SUSD3: variants seen among roughly 807,000 people sequenced by gnomAD.
SUSD3 encodes the protein sushi domain containing 3.
SUSD3 carries 18 observed loss-of-function variants against 20.6 expected under a neutral mutation model. The ratio of observed to expected loss-of-function variants is 0.87; its 90% CI spans 0.60 to 1.30. The LOEUF (loss-of-function observed/expected upper bound fraction) is 1.30, where lower values mean the gene tolerates loss of function less well. Among genes scored for constraint, SUSD3 ranks in the 50% most tolerant of loss-of-function variants. SUSD3 has a pLI of 0.00. For missense variants in SUSD3, 306 were observed against 346.9 expected, an observed-to-expected ratio of 0.88 and a Z score of 0.94; for synonymous variants, 137 against 141.5, an observed-to-expected ratio of 0.97 and a Z score of 0.23.
chr9:93,063,787 G>T (rs1330369261), intron 1 of SUSD3, among the ~76,000 whole-genome samples: 1 of 152,012 alleles, frequency 6.6e-6, no homozygotes, highest in Non-Finnish European at 1.5e-5. Flanking sequence ...CTTACATTAG[G>T]ACCTGGGCAT....
intron 1 of SUSD3, among the ~76,000 whole-genome samples, chr9:93,064,237 A>T (rs762496458): frequency 1.2e-4 from 18 of 152,184 alleles, no homozygotes; most frequent in Non-Finnish European, 2.4e-4. Context: ...TAATAGAGAC[A>T]GGGTTTCACC....
chr9:93,061,203 G>C (rs1004002815), intron 1 of SUSD3, among the ~76,000 whole-genome samples: 2 of 152,234 alleles, frequency 1.3e-5, no homozygotes, highest in African/African-American at 2.4e-5. Flanking sequence ...TGGAGGAAGG[G>C]CCTGGAGAGG....
chr9:93,069,571 T>C (rs921425963), intron 1 of SUSD3, among the ~76,000 whole-genome samples: 4 of 152,194 alleles, frequency 2.6e-5, no homozygotes, highest in African/African-American at 9.6e-5. Flanking sequence ...ATTTATTCTT[T>C]TTGATGCTGT....
rs769931866 is a variant in SUSD3, at chr9:93,075,753, C to G, written c.89-31C>G. On this transcript the variant is annotated intron_variant, in intron 1 of 4. Transcript: ENST00000375472. ...CCCTGCGTGCCCACCCCCCCCCCCCCGCCATGCCTCATACCTGCCTGTCTC... is the reference window on the plus strand; with the variant it reads ...CCCTGCGTGCCCACCCCCCCCCCCCGGCCATGCCTCATACCTGCCTGTCTC... 25 of 334,108 alleles carry G rather than the reference C, an allele frequency of 7.5e-5. 1 individual carries two copies. In the Admixed American group the frequency reaches 8.0e-4, roughly 11 times the overall value. The allele number at this position is 334,108 out of a possible 1,614,324, so 20.7% of individuals were successfully genotyped here.
chr9:93,079,841 AC>A (rs1293607121), intron 4 of SUSD3, among the ~76,000 whole-genome samples: 1 of 152,022 alleles, frequency 6.6e-6, no homozygotes, highest in East Asian at 1.9e-4. Flanking sequence ...TGGAGGGTCC[AC>A]CCTCCAGGGA....
intron 3 of SUSD3, among the ~76,000 whole-genome samples, chr9:93,078,593 G>A (rs1208714697): frequency 6.6e-6 from 1 of 152,060 alleles, no homozygotes; most frequent in African/African-American, 2.4e-5. Context: ...CACATATGCA[G>A]TATGTACTCT....
chr9:93,069,739 G>A (rs1331054734), intron 1 of SUSD3, among the ~76,000 whole-genome samples: 4 of 151,732 alleles, frequency 2.6e-5, no homozygotes, highest in South Asian at 2.1e-4. Context: ...ACATATATAC[G>A]AAATCATGTC....
chr9:93,082,318 T>TTTCTTTTTC (rs2119010780), intron 4 of SUSD3, among the ~76,000 whole-genome samples: 1 of 136,116 alleles, frequency 7.3e-6, no homozygotes, highest in African/African-American at 3.1e-5. Flanking sequence ...TCCTTTTTTT[T>TTTCTTTTTC]TTTTTTTTTT....
chr9:93,083,224 C>G (rs145866505), intron 4 of SUSD3, among the ~76,000 whole-genome samples: 116 of 152,308 alleles, frequency 7.6e-4, no homozygotes, highest in African/African-American at 2.5e-3. Context: ...GGCAGAGCCC[C>G]TTCCCGGAGC....
At chr9:93,063,781 C>T (rs1825597316) in intron 1 of SUSD3, among the ~76,000 whole-genome samples, 1 of 152,114 alleles carries the variant, frequency 6.6e-6, no homozygotes, top group Non-Finnish European at 1.5e-5. Flanking sequence ...AGTGCACTTA[C>T]ATTAGGACCT....
intron 3 of SUSD3, 23 bp downstream of exon 3, chr9:93,078,016 G>C: frequency 6.2e-7 from 1 of 1,613,970 alleles, no homozygotes; most frequent in South Asian, 1.1e-5. Flanking sequence ...CATGATCTCA[G>C]GGTCCTCCCG....
At position 93,084,751 on chromosome 9, in the gene SUSD3, C is replaced by T. The variant is rs766866126; in HGVS notation, c.*4C>T. On this transcript the variant is annotated 3_prime_UTR_variant, in exon 5 of 5. Transcript: ENST00000375472. ...CGCAGCATATGCCCTAGGGTGACCA[C>T]GCAGTGAGGCTGGTGCCCATGCTCC... 14 of 1,486,176 alleles carry T rather than the reference C, an allele frequency of 9.4e-6. No individual in the cohort carries two copies. The highest frequency in any genetic ancestry group is 1.9e-4 in the Middle Eastern group (1 of 5,260). The allele number at this position is 1,486,176 out of a possible 1,614,324, so 92.1% of individuals were successfully genotyped here. A position where few individuals can be genotyped will look rare whatever the true frequency, so the allele number is the denominator to read the frequency against.
At chr9:93,076,381 C>T (rs767277448) in intron 2 of SUSD3, among the ~76,000 whole-genome samples, 5 of 152,098 alleles carry the variant, frequency 3.3e-5, no homozygotes, top group South Asian at 2.1e-4. Context: ...GGATATTTCA[C>T]GTATCAGGAA....
chr9:93,080,055 T>C (rs1030340022), intron 4 of SUSD3, among the ~76,000 whole-genome samples: 1 of 152,172 alleles, frequency 6.6e-6, no homozygotes, highest in African/African-American at 2.4e-5. Flanking sequence ...TGGCCAGGCT[T>C]GGTGGCTCAC....
chr9:93,067,152 T>A (rs1227922672), intron 1 of SUSD3, among the ~76,000 whole-genome samples: 1 of 152,254 alleles, frequency 6.6e-6, no homozygotes, highest in East Asian at 1.9e-4. Context: ...TTCTGGACAT[T>A]TCATATGAGT....
In SUSD3 at chr9:93,079,551, A is replaced by G. The variant is rs945033147; in HGVS notation, c.506A>G (p.Asn169Ser). ...QAAYLGLKHFNKPVSGPSQAH... is the reference protein window; with the variant it reads ...QAAYLGLKHFSKPVSGPSQAH... Reference sequence around the variant, plus strand: ...GCATACCTTGGCCTCAAGCACTTCAACAAACCCGTGAGCGGGCCCAGCCAG... The same window carrying G: ...GCATACCTTGGCCTCAAGCACTTCAGCAAACCCGTGAGCGGGCCCAGCCAG... Residue 169 changes from asparagine to serine, a missense_variant, in exon 4 of 5, where the codon AAC becomes AGC. Coordinates refer to ENST00000375472, the MANE Select transcript of SUSD3 (RefSeq NM_145006.4). 5 of 1,613,936 alleles carry G rather than the reference A, an allele frequency of 3.1e-6. No individual in the cohort carries two copies. The Admixed American group carries it at 5.0e-5, about 16-fold the overall frequency.
Position 93,084,747 on chromosome 9 carries a change from AC to A in SUSD3, c.*2del. 6.7e-7 allele frequency: 1 copy of A among 1,497,392 alleles called. No homozygotes were observed. Among genetic ancestry groups the A allele is most frequent in the South Asian group, 1.3e-5 (1 of 76,090 alleles). 92.8% of individuals were successfully genotyped at this position (1,497,392 alleles called of 1,614,324 possible). ...AGCCCGCAGCATATGCCCTAGGGTGACCACGCAGTGAGGCTGGTGCCCATGC... is the reference window on the plus strand; with the variant it reads ...AGCCCGCAGCATATGCCCTAGGGTGACACGCAGTGAGGCTGGTGCCCATGC... On this transcript the variant is annotated 3_prime_UTR_variant, in exon 5 of 5. Coordinates refer to ENST00000375472, the MANE Select transcript of SUSD3 (RefSeq NM_145006.4).
intron 1 of SUSD3, among the ~76,000 whole-genome samples, chr9:93,072,656 A>C (rs1825956703): frequency 1.3e-5 from 2 of 152,146 alleles, no homozygotes; most frequent in Non-Finnish European, 2.9e-5. Context: ...CTCGCAGATA[A>C]AGACCTTGCC....
intron 1 of SUSD3, among the ~76,000 whole-genome samples, chr9:93,073,464 G>T (rs865805818): frequency 6.6e-6 from 1 of 152,088 alleles, no homozygotes; most frequent in Non-Finnish European, 1.5e-5. Context: ...TAGCCAGGAT[G>T]GTCTCAATCT....
Sources: gnomAD v4.1 joint callset for allele counts (sites outside exome capture counted in the v4.1 genomes callset) on GRCh38, gnomAD v4.1.1 for gene constraint, MANE v1.5 for transcripts, NCBI Gene and HGNC (gene_info 2026-07-23, HGNC 2026-07-21) for gene names.